RBM38: variants seen among roughly 807,000 people sequenced by gnomAD.
RBM38 encodes the protein RNA-binding protein 38.
In RBM38, 11 loss-of-function variants were observed where a neutral mutation model predicts 23.5. The observed-to-expected ratio is 0.47, with a 90% CI of 0.29 to 0.77. The LOEUF (loss-of-function observed/expected upper bound fraction) is 0.77. RBM38 is among the 30% of genes least tolerant of loss of function. The pLI is 0.08. For synonymous variants in RBM38, 165 were observed against 166.1 expected (o/e 0.99, Z 0.05); for missense variants, 330 against 351.9 (o/e 0.94, Z 0.50).
intron 3 of RBM38, among the ~76,000 whole-genome samples, chr20:57,404,638 A>C (rs1048219707): frequency 2.6e-5 from 4 of 151,988 alleles, no homozygotes; most frequent in Admixed American, 6.6e-5. Flanking sequence ...TGTGCCACCC[A>C]CCGGGCCTTT....
At chr20:57,398,142 A>C (rs953025127) in intron 3 of RBM38, among the ~76,000 whole-genome samples, 1 of 152,170 alleles carries the variant, frequency 6.6e-6, no homozygotes, top group African/African-American at 2.4e-5. Flanking sequence ...TGGAGGAGGT[A>C]GGGTACACAG....
Position 57,407,766 on chromosome 20 carries a change from G to A in RBM38, c.640G>A (p.Ala214Thr), listed in dbSNP as rs764303895. 1 of 1,608,774 alleles carries A rather than the reference G, an allele frequency of 6.2e-7. No individual in the cohort carries two copies. Among genetic ancestry groups the A allele is most frequent in the Non-Finnish European group, 8.5e-7 (1 of 1,178,824 alleles). Residue 214 changes from alanine (A) to threonine (T), a missense_variant, in exon 4 of 4, where the codon GCC (alanine) becomes ACC (threonine). Coordinates refer to ENST00000356208, the MANE Select transcript of RBM38 (RefSeq NM_017495.6). The surrounding 1 kb of genome is among the most constrained non-coding windows in gnomAD (Gnocchi z 4.0). ...CAGCTACCCTGCCGCCGTGCCCCAG[G>A]CCCTCTCAGCCGCAGCACCCGCGGG... is the stretch of plus-strand genomic sequence containing the variant. ...GYSYPAAVPQ[A>T]LSAAAPAGTT...
At chr20:57,399,475 G>C (rs1293022638) in intron 3 of RBM38, among the ~76,000 whole-genome samples, 24 of 152,288 alleles carry the variant, frequency 1.6e-4, no homozygotes, top group Non-Finnish European at 8.8e-5. Flanking sequence ...ACCTGGGAAA[G>C]AAAGAGGAGT....
intron 3 of RBM38, among the ~76,000 whole-genome samples, chr20:57,393,977 G>A (rs141303280): frequency 6.6e-6 from 1 of 152,000 alleles, no homozygotes; most frequent in South Asian, 2.1e-4. Context: ...AGTCCTGGCA[G>A]CTGCTTGGGG....
At position 57,391,665 on chromosome 20, in the gene RBM38, G is replaced by T. The variant is rs2067216170; in HGVS notation, c.84G>T (p.Gln28His). Residue 28 changes from glutamine to histidine, a missense_variant, in exon 1 of 4, where the codon CAG becomes CAT. Coordinates refer to ENST00000356208, the MANE Select transcript of RBM38 (RefSeq NM_017495.6). The part of the protein sequence containing the change: ...LAAPGAMHGS[Q>H]KDTTFTKIFV... ...CCCCCGGCGCCATGCACGGCTCGCA[G>T]AAGGACACCACGTTCACCAAGATCT... The T allele has an allele frequency of 2.0e-6, 3 of 1,505,314 alleles. No homozygotes were observed. The highest frequency in any genetic ancestry group is 1.7e-4 in the Middle Eastern group (1 of 5,818). 93.2% of individuals were successfully genotyped at this position (1,505,314 alleles called of 1,614,324 possible).
chr20:57,397,171 A>G (rs964778590), intron 3 of RBM38, among the ~76,000 whole-genome samples: 4 of 152,170 alleles, frequency 2.6e-5, no homozygotes, highest in African/African-American at 7.2e-5. Context: ...TACAGGGCCA[A>G]CTTGACTGTG....
At chr20:57,395,503 G>T (rs2067264975) in intron 3 of RBM38, among the ~76,000 whole-genome samples, 1 of 152,232 alleles carries the variant, frequency 6.6e-6, no homozygotes, top group African/African-American at 2.4e-5. Context: ...TAATACTTGT[G>T]ACGATGAAGA....
chr20:57,392,218 C>T (rs1467125207), intron 1 of RBM38: 6 of 346,604 alleles, frequency 1.7e-5, no homozygotes, highest in African/African-American at 1.1e-4. Flanking sequence ...ACAGCCCTCT[C>T]AGCCGCCCCA....
At position 57,394,687 on chromosome 20, in the gene RBM38, CTG is replaced by C. The variant is rs554846987; in HGVS notation, c.416+1356_416+1357del. Among the ~76,000 whole-genome samples the C allele has an allele frequency of 8.2e-3, 1,241 of 152,192 alleles. 6 individuals carry two copies. The highest frequency in any genetic ancestry group is 0.024 in the Middle Eastern group (7 of 294). ...TCGTCTTAGAGGGTGTTTGGGGACA[CTG>C]TAGCCTTCATGCCTTCACCGAGATT... On this transcript the variant is annotated intron_variant, in intron 3 of 3. Transcript: ENST00000356208.
At chr20:57,392,266 C>G in intron 1 of RBM38, 1 of 458,310 alleles carries the variant, frequency 2.2e-6, no homozygotes, top group Non-Finnish European at 3.9e-6. Flanking sequence ...CTTGAAGACA[C>G]TTTCCTGCTT....
rs138744576 is a variant in RBM38 at position 57,393,091 on chromosome 20, G to T, written c.362-188G>T. On this transcript the variant is annotated intron_variant, in intron 2 of 3. Transcript: ENST00000356208. Reference sequence around the variant, plus strand: ...GACACCAGTGGCTGCTGACACCTGCGTCACTCACTGCCACACTTCAGCGGT... The same window carrying T: ...GACACCAGTGGCTGCTGACACCTGCTTCACTCACTGCCACACTTCAGCGGT... 9.1e-6 allele frequency: 6 copies of T among 661,084 alleles called. No homozygotes were observed. In the Admixed American group the frequency reaches 1.3e-4, roughly 15 times the overall value. The allele number at this position is 661,084 out of a possible 1,614,324, so 41.0% of individuals were successfully genotyped here.
At chr20:57,406,136 G>A (rs1001026791) in intron 3 of RBM38, among the ~76,000 whole-genome samples, 4 of 152,312 alleles carry the variant, frequency 2.6e-5, no homozygotes, top group East Asian at 1.9e-4. Flanking sequence ...AGACCACTCC[G>A]TGCCTCGGAC....
chr20:57,406,618 T>C (rs183721201), intron 3 of RBM38, among the ~76,000 whole-genome samples: 6 of 152,164 alleles, frequency 3.9e-5, no homozygotes, highest in Admixed American at 3.9e-4. Context: ...ATTGCACTCC[T>C]TTGCTCCAGC....
intron 1 of RBM38, 30 bp downstream of exon 1, chr20:57,391,848 C>A (rs117963839): frequency 2.4e-5 from 35 of 1,485,766 alleles, no homozygotes; most frequent in African/African-American, 8.8e-5. Context: ...GGGCCCGCAC[C>A]CCGCCGCACA....
At chr20:57,400,579 C>T (rs1346899558) in intron 3 of RBM38, among the ~76,000 whole-genome samples, 2 of 152,210 alleles carry the variant, frequency 1.3e-5, no homozygotes, top group African/African-American at 4.8e-5. Context: ...ACCCCGGACC[C>T]CAGCTAGGTG....
intron 1 of RBM38, 168 bp from the exon 2 acceptor site, chr20:57,392,485 AG>A: frequency 6.5e-7 from 1 of 1,533,882 alleles, no homozygotes; most frequent in African/African-American, 1.4e-5. Flanking sequence ...TTTGTGGGAG[AG>A]CCCCAGGTAG....
At chr20:57,397,738 C>T (rs1209938899) in intron 3 of RBM38, among the ~76,000 whole-genome samples, 1 of 152,228 alleles carries the variant, frequency 6.6e-6, no homozygotes, top group Non-Finnish European at 1.5e-5. Flanking sequence ...ATTCATTCAT[C>T]AGGTGTTTAT....
intron 3 of RBM38, among the ~76,000 whole-genome samples, chr20:57,403,589 C>T (rs920027419): frequency 6.6e-6 from 1 of 152,210 alleles, no homozygotes; most frequent in African/African-American, 2.4e-5. Context: ...CTCGGATTTC[C>T]TCTCTGGGAG....
chr20:57,392,379 T>C, intron 1 of RBM38: 1 of 1,492,332 alleles, frequency 6.7e-7, no homozygotes, highest in Non-Finnish European at 8.9e-7. Flanking sequence ...GGGGTTCATT[T>C]TTGCCCTATC....
Sources: allele counts gnomAD v4.1 joint callset (sites outside exome capture counted in the v4.1 genomes callset), GRCh38; gene constraint gnomAD v4.1.1; non-coding constraint Gnocchi (gnomAD v3.1); transcripts MANE v1.5; gene names NCBI Gene and HGNC (gene_info 2026-07-23, HGNC 2026-07-21).